The following TLK1 variants were observed in gnomAD, a reference collection of about 807,000 sequenced individuals.
TLK1 encodes serine/threonine-protein kinase tousled-like 1.
Under a neutral mutation model 105.3 loss-of-function variants are expected in TLK1, and 24 were observed. The observed-to-expected ratio is 0.23, with a 90% confidence interval of 0.17 to 0.32. TLK1 has a LOEUF of 0.32. TLK1 is among the 10% of genes least tolerant of loss of function. The pLI is 1.00. For synonymous variants in TLK1, 321 were observed against 310.4 expected, an observed-to-expected ratio of 1.03 and a Z score of -0.36; for missense variants, 558 against 910.5, an observed-to-expected ratio of 0.61 and a Z score of 4.98.
At chr2:171,159,963 A>T (rs1452510881) in intron 1 of TLK1, 18 of 250,358 alleles carry the variant, frequency 7.2e-5, no homozygotes, top group Non-Finnish European at 7.5e-6. Flanking sequence ...CAAATGGAGC[A>T]GAAAGGGGCT....
At chr2:170,994,694 GCT>G (rs1683968973) in intron 20 of TLK1, 1 of 517,822 alleles carries the variant, frequency 1.9e-6, no homozygotes, top group African/African-American at 1.9e-5. Flanking sequence ...CCAGGCACTG[GCT>G]CTGTCCCCAG....
chr2:171,201,937 CT>C (rs1693406922), intron 1 of TLK1, among the ~76,000 whole-genome samples: 3 of 151,672 alleles, frequency 2.0e-5, no homozygotes, highest in Non-Finnish European at 2.9e-5. Context: ...ATCTATCTAT[CT>C]ATCTATCATC....
At chr2:171,025,151 G>A (rs943096165) in intron 12 of TLK1, among the ~76,000 whole-genome samples, 3 of 152,114 alleles carry the variant, frequency 2.0e-5, no homozygotes, top group Non-Finnish European at 4.4e-5. Flanking sequence ...AATAGAGTAA[G>A]GCTATCTTTG....
rs146300186 is a variant in TLK1 at position 171,034,491 on chromosome 2, C to T, written c.1170-6086G>A. Among the ~76,000 whole-genome samples the T allele has an allele frequency of 2.0e-4, 31 of 152,180 alleles. 1 individual carries two copies. Among genetic ancestry groups the T allele is most frequent in the Middle Eastern group, 3.4e-3 (1 of 294 alleles). On this transcript the variant is annotated intron_variant, in intron 11 of 20. Transcript: ENST00000431350. The stretch of plus-strand genomic sequence containing the variant: ...TAAGTAAAAGCCAGACACAAAAGGT[C>T]ATATAAGGTATGAGTCATTTTATAT...
chr2:171,097,206 T>C (rs1326129394), intron 2 of TLK1, among the ~76,000 whole-genome samples: 1 of 152,146 alleles, frequency 6.6e-6, no homozygotes, highest in Non-Finnish European at 1.5e-5. Context: ...TTGGCAAAAG[T>C]GCCGAGAACA....
intron 1 of TLK1, among the ~76,000 whole-genome samples, chr2:171,220,212 G>A (rs1223843910): frequency 6.6e-6 from 1 of 152,102 alleles, no homozygotes; most frequent in African/African-American, 2.4e-5. Context: ...CAGGTTCTGG[G>A]AATTAGGCCC....
At chr2:171,154,599 G>A (rs185306895) in intron 1 of TLK1, 1 of 152,212 alleles carries the variant, frequency 6.6e-6, no homozygotes, top group Non-Finnish European at 1.5e-5. Context: ...TAAGCAACTT[G>A]CCCAAGGTCA....
At chr2:171,204,364 T>C (rs1381646313) in intron 1 of TLK1, among the ~76,000 whole-genome samples, 1 of 152,168 alleles carries the variant, frequency 6.6e-6, no homozygotes, top group Non-Finnish European at 1.5e-5. Flanking sequence ...TGGTCTTAAA[T>C]TCTAGTAACC....
chr2:171,044,952 T>G (rs939942322), intron 11 of TLK1, among the ~76,000 whole-genome samples: 9 of 152,130 alleles, frequency 5.9e-5, no homozygotes, highest in Admixed American at 5.9e-4. Flanking sequence ...CAGAAGAGAC[T>G]ACGAGGACAG....
In TLK1 at chr2:171,117,891, T is replaced by C. The variant is rs147091741; in HGVS notation, c.140-34A>G. 1.0e-4 allele frequency: 149 copies of C among 1,419,234 alleles called. No homozygotes were observed. In the East Asian group the frequency reaches 2.4e-3, roughly 23 times the overall value. 87.9% of individuals were successfully genotyped at this position (1,419,234 alleles called of 1,614,324 possible). ...AAAAAAAAATATATATGTACACATA[T>C]ATATGTGTGTATACTTTATACTTAC... On this transcript the variant is annotated intron_variant, in intron 1 of 20. Coordinates refer to ENST00000431350, the MANE Select transcript of TLK1 (RefSeq NM_012290.5).
intron 1 of TLK1, among the ~76,000 whole-genome samples, chr2:171,219,420 G>T (rs1693769353): frequency 6.6e-6 from 1 of 152,100 alleles, no homozygotes; most frequent in Non-Finnish European, 1.5e-5. Flanking sequence ...AATACCATAG[G>T]CTGGGTGGCT....
intron 2 of TLK1, among the ~76,000 whole-genome samples, chr2:171,104,132 T>C (rs1463574372): frequency 1.3e-5 from 2 of 151,804 alleles, no homozygotes; most frequent in East Asian, 3.9e-4. Flanking sequence ...AAAAATTAGT[T>C]GGGCATGGTG....
chr2:171,011,464 G>C lies in TLK1; in HGVS notation c.1335-10C>G. Reference sequence around the variant, plus strand: ...TGGGTGATCTTTGAACCTTAGAGGTGGGGGCAAAAAACAGACATATTAAAA... The same window carrying C: ...TGGGTGATCTTTGAACCTTAGAGGTCGGGGCAAAAAACAGACATATTAAAA... On this transcript the variant is annotated splice_polypyrimidine_tract_variant and intron_variant, in intron 13 of 20. Coordinates refer to ENST00000431350, the MANE Select transcript of TLK1 (RefSeq NM_012290.5). 4 of 1,602,586 alleles carry C rather than the reference G, an allele frequency of 2.5e-6. No individual in the cohort carries two copies. Among genetic ancestry groups the C allele is most frequent in the Non-Finnish European group, 3.4e-6 (4 of 1,175,158 alleles).
At chr2:171,227,015 A>T (rs969839455) in intron 1 of TLK1, among the ~76,000 whole-genome samples, 1 of 152,206 alleles carries the variant, frequency 6.6e-6, no homozygotes, top group Non-Finnish European at 1.5e-5. Flanking sequence ...CAGCAAAACA[A>T]TCAGAGAATA....
intron 2 of TLK1, among the ~76,000 whole-genome samples, chr2:171,094,492 ATAC>A (rs1279498183): frequency 1.3e-5 from 2 of 152,250 alleles, no homozygotes; most frequent in East Asian, 3.8e-4. Flanking sequence ...AACTACTGAG[ATAC>A]TACGAGAAAG....
At chr2:171,092,100 C>T (rs1689263486) in intron 2 of TLK1, among the ~76,000 whole-genome samples, 1 of 152,000 alleles carries the variant, frequency 6.6e-6, no homozygotes, top group Non-Finnish European at 1.5e-5. Context: ...TGCTTCATCA[C>T]CCAAGGTTGC....
At chr2:171,000,294 G>A (rs576082439) in intron 18 of TLK1, among the ~76,000 whole-genome samples, 10 of 149,846 alleles carry the variant, frequency 6.7e-5, no homozygotes, top group East Asian at 2.0e-4. Context: ...AGGAGAAATC[G>A]CTTGAACCTG....
chr2:171,072,246 T>C (rs1319044618), intron 3 of TLK1, among the ~76,000 whole-genome samples: 5 of 152,224 alleles, frequency 3.3e-5, no homozygotes, highest in African/African-American at 9.6e-5. Flanking sequence ...TATCCTTCCA[T>C]TTTTTTGCAT....
At chr2:171,091,870 G>A (rs190678406) in intron 2 of TLK1, 2,622 of 151,988 alleles carry the variant, frequency 0.017, 44 homozygotes, top group Middle Eastern at 0.027. Context: ...TCAGCCTCCC[G>A]AGTAGCTGGG....
Sources: gnomAD v4.1 joint callset for allele counts (sites outside exome capture counted in the v4.1 genomes callset) on GRCh38, gnomAD v4.1.1 for gene constraint, MANE v1.5 for transcripts, NCBI Gene and HGNC (gene_info 2026-07-23, HGNC 2026-07-21) for gene names.